PTPRD: variants seen among roughly 807,000 people sequenced by gnomAD.
The protein encoded by PTPRD is protein tyrosine phosphatase receptor type D, also known as receptor-type tyrosine-protein phosphatase delta.
In PTPRD, 34 loss-of-function variants were observed where a neutral mutation model predicts 214.5. The ratio of observed to expected loss-of-function variants is 0.16; its 90% confidence interval spans 0.12 to 0.21. The LOEUF (loss-of-function observed/expected upper bound fraction) is 0.21. PTPRD is among the 10% of genes least tolerant of loss of function. The pLI, the probability that PTPRD is intolerant of heterozygous loss-of-function variation, is 1.00. For synonymous variants in PTPRD, 1,128 were observed against 845.7 expected (o/e 1.33, Z -5.79); for missense variants, 2,545 against 2,398.7 (o/e 1.06, Z -1.27).
intron 5 of PTPRD, among the ~76,000 whole-genome samples, chr9:9,906,246 A>G (rs2077536950): frequency 6.6e-6 from 1 of 152,012 alleles, no homozygotes; most frequent in Non-Finnish European, 1.5e-5. Context: ...ATATTAAGGA[A>G]AGAAAAAAAG....
Position 9,571,667 on chromosome 9 carries a change from T to G in PTPRD, c.-237+3065A>C, listed in dbSNP as rs139237268. 4.2e-4 allele frequency among the ~76,000 whole-genome samples: 63 copies of G among 151,198 alleles called. No individual in the cohort carries two copies. In the East Asian group the frequency reaches 0.01, roughly 25 times the overall value. On this transcript the variant is annotated intron_variant, in intron 8 of 45. Transcript: ENST00000381196. Reference sequence around the variant, plus strand: ...TAGTGCTGAATTTTCATTTCAAAATTGTGGCCACATAACTAATTGTTGCAT... The same window carrying G: ...TAGTGCTGAATTTTCATTTCAAAATGGTGGCCACATAACTAATTGTTGCAT...
At chr9:10,012,486 T>C (rs2096621966) in intron 4 of PTPRD, among the ~76,000 whole-genome samples, 2 of 152,122 alleles carry the variant, frequency 1.3e-5, no homozygotes, top group African/African-American at 4.8e-5. Context: ...TTCTCCACAA[T>C]CCTTTCACCA....
intron 5 of PTPRD, among the ~76,000 whole-genome samples, chr9:9,826,718 G>C (rs1232839716): frequency 1.3e-5 from 2 of 151,704 alleles, no homozygotes; most frequent in Admixed American, 6.6e-5. Flanking sequence ...TTGCAAAGAG[G>C]GACAATTTGA....
intron 8 of PTPRD, among the ~76,000 whole-genome samples, chr9:9,441,142 A>G (rs1308207029): frequency 6.6e-6 from 1 of 151,606 alleles, no homozygotes; most frequent in Non-Finnish European, 1.5e-5. Context: ...GTGTCTCTCT[A>G]CAGCTTAAGT....
chr9:8,685,745 G>T (rs770687465), intron 12 of PTPRD, among the ~76,000 whole-genome samples: 1 of 152,176 alleles, frequency 6.6e-6, no homozygotes, highest in Non-Finnish European at 1.5e-5. Context: ...GGTACAGGCC[G>T]ATATTAATAA....
intron 2 of PTPRD, among the ~76,000 whole-genome samples, chr9:10,409,280 T>C (rs1246395275): frequency 1.3e-5 from 2 of 151,782 alleles, no homozygotes; most frequent in African/African-American, 4.8e-5. Context: ...GATAAATCTT[T>C]AGTATGATTG....
At chr9:8,595,107 C>A (rs532166885) in intron 14 of PTPRD, among the ~76,000 whole-genome samples, 1 of 151,526 alleles carries the variant, frequency 6.6e-6, no homozygotes, top group Admixed American at 6.6e-5. Flanking sequence ...TCATGATCTG[C>A]CCGCCTCGGC....
At chr9:10,036,056 G>T (rs373813974) in intron 3 of PTPRD, among the ~76,000 whole-genome samples, 1 of 152,034 alleles carries the variant, frequency 6.6e-6, no homozygotes, top group East Asian at 1.9e-4. Flanking sequence ...TTCACTCTTG[G>T]ATATTCAACA....
At chr9:9,270,642 G>A (rs10816082) in intron 9 of PTPRD, among the ~76,000 whole-genome samples, 2 of 151,148 alleles carry the variant, frequency 1.3e-5, no homozygotes, top group African/African-American at 4.8e-5. Flanking sequence ...AAGAGCCATA[G>A]AAGTTATTTA....
At chr9:10,116,822 A>T (rs921484636) in intron 3 of PTPRD, among the ~76,000 whole-genome samples, 6 of 152,048 alleles carry the variant, frequency 3.9e-5, no homozygotes, top group Admixed American at 2.6e-4. Flanking sequence ...TTTCTCAAAC[A>T]TATTAAGCAT....
chr9:8,495,982 T>C (rs2097257201), intron 26 of PTPRD, among the ~76,000 whole-genome samples: 1 of 152,144 alleles, frequency 6.6e-6, no homozygotes, highest in Non-Finnish European at 1.5e-5. Flanking sequence ...CTCTTCTGGT[T>C]TTCCCAGTAT....
intron 3 of PTPRD, among the ~76,000 whole-genome samples, chr9:10,306,331 G>A (rs1386394852): frequency 6.6e-6 from 1 of 151,822 alleles, no homozygotes; most frequent in African/African-American, 2.4e-5. Context: ...GTAGATTGCG[G>A]GTTGATTGGT....
intron 27 of PTPRD, 34 bp from the exon 28 acceptor site, chr9:8,486,383 C>T (rs769056275): frequency 6.5e-7 from 1 of 1,543,096 alleles, no homozygotes; most frequent in Non-Finnish European, 9.0e-7. Context: ...TAAGACCAAC[C>T]AATCTGAACG....
chr9:9,510,475 T>C (rs1175220125), intron 8 of PTPRD, among the ~76,000 whole-genome samples: 1 of 151,424 alleles, frequency 6.6e-6, no homozygotes, highest in Non-Finnish European at 1.5e-5. Context: ...TTAAGAGGGA[T>C]AGTTAGTTGC....
At chr9:8,490,697 G>A (rs1044570368) in intron 27 of PTPRD, among the ~76,000 whole-genome samples, 1 of 152,074 alleles carries the variant, frequency 6.6e-6, no homozygotes, top group African/African-American at 2.4e-5. Context: ...TGAAACATAA[G>A]AGCCAACATT....
chr9:10,069,905 T>C (rs1017132292), intron 3 of PTPRD, among the ~76,000 whole-genome samples: 8 of 152,032 alleles, frequency 5.3e-5, no homozygotes, highest in East Asian at 1.9e-4. Context: ...AGAGATCCTA[T>C]GTATTTGCTA....
At chr9:9,276,662 T>A (rs1024190461) in intron 9 of PTPRD, among the ~76,000 whole-genome samples, 2 of 151,376 alleles carry the variant, frequency 1.3e-5, no homozygotes, top group African/African-American at 4.8e-5. Context: ...AATCTACACA[T>A]GTACCTCTTT....
At chr9:9,276,880 G>T (rs1317033676) in intron 9 of PTPRD, among the ~76,000 whole-genome samples, 1 of 151,328 alleles carries the variant, frequency 6.6e-6, no homozygotes, top group Non-Finnish European at 1.5e-5. Context: ...TTTGCCTCTT[G>T]ATGTGTCGTG....
intron 3 of PTPRD, among the ~76,000 whole-genome samples, chr9:10,183,498 C>T (rs527925492): frequency 6.6e-6 from 1 of 152,112 alleles, no homozygotes; most frequent in Non-Finnish European, 1.5e-5. Context: ...TGTTTAAGAT[C>T]AAATAACTAG....
Sources: gnomAD v4.1 joint callset for allele counts (sites outside exome capture counted in the v4.1 genomes callset) on GRCh38, gnomAD v4.1.1 for gene constraint, MANE v1.5 for transcripts, NCBI Gene and HGNC (gene_info 2026-07-23, HGNC 2026-07-21) for gene names.